The following TTN variants were observed in gnomAD, a reference collection of about 807,000 sequenced individuals.
The protein encoded by TTN is titin.
Under a neutral mutation model 3,223.0 loss-of-function variants are expected in TTN, and 1,525 were observed. The ratio of observed to expected loss-of-function variants is 0.47; its 90% CI spans 0.45 to 0.49. The LOEUF is 0.49. Ranked by LOEUF, TTN falls within the 20% of genes least tolerant of loss-of-function variation. The probability of loss-of-function intolerance (pLI) is 0.00; values close to 1 mark genes in which losing one functional copy is unlikely to be tolerated. For missense variants in TTN, 40,786 were observed against 43,424.0 expected (o/e 0.94, Z 5.40); for synonymous variants, 14,094 against 15,161.0 (o/e 0.93, Z 5.17).
Position 178,569,908 on chromosome 2 carries a change from G to T in TTN, c.76224C>A (p.Pro25408=). 6.2e-7 allele frequency: 1 copy of T among 1,613,270 alleles called. No individual in the cohort carries two copies. The highest frequency in any genetic ancestry group is 8.5e-7 in the Non-Finnish European group (1 of 1,179,572). ...KACDPIYKPG[P]PNNPKVIDIT... ...TGTCTATGACTTTGGGGTTGTTTGG[G>T]GGTCCTGGTTTATAAATAGGATCAC... Residue 25408 remains proline (P), a synonymous_variant, in exon 326 of 363, where the codon CCC becomes CCA. Transcript: ENST00000589042.
In TTN at chr2:178,591,025, G is replaced by A; in HGVS notation, c.60700C>T (p.Pro20234Ser). ...TATTCACAGCCCTTCTGCAGATGTG[G>A]GATTTTCAGCTTTGTCTTACTGCTT... Reference protein sequence around the residue: ...SGSSKTKLKIPHLQKGCEYVF... With the variant: ...SGSSKTKLKISHLQKGCEYVF... The change falls in exon 304 of 363, where the codon CCA becomes TCA. Residue 20234 changes from proline (P) to serine (S), a missense_variant. Coordinates refer to ENST00000589042, the MANE Select transcript of TTN (RefSeq NM_001267550.2). 6.2e-7 allele frequency: 1 copy of A among 1,613,358 alleles called. No homozygotes were observed. The highest frequency in any genetic ancestry group is 8.5e-7 in the Non-Finnish European group (1 of 1,179,572).
rs746635297 is a variant in TTN at position 178,707,509 on chromosome 2, T to A, written c.29041+17A>T. 135 of 1,602,646 alleles carry A rather than the reference T, an allele frequency of 8.4e-5. 1 individual carries two copies. In the Middle Eastern group the frequency reaches 9.9e-4, roughly 12 times the overall value. On this transcript the variant is annotated intron_variant, in intron 100 of 362. Transcript: ENST00000589042. ...GTTGCTGGCTTGAGCTGCATAATAC[T>A]TTTGAGGTGTCTGTACCTTTAATGG...
At position 178,672,651 on chromosome 2, in the gene TTN, C is replaced by T; in HGVS notation, c.34839G>A (p.Glu11613=). 6.2e-7 allele frequency: 1 copy of T among 1,610,796 alleles called. No homozygotes were observed. The highest frequency in any genetic ancestry group is 8.5e-7 in the Non-Finnish European group (1 of 1,178,108). Residue 11613 remains glutamate, a synonymous_variant, in exon 153 of 363, where the codon GAG becomes GAA. Coordinates refer to ENST00000589042, the MANE Select transcript of TTN (RefSeq NM_001267550.2). ...AAGATGTACCTTTGGCTGGGGGTGC[C>T]TCTTTTTTCTGAACAGGAACAGGTA... ...EKVPVPVQKK[E]APPAKVPEVP... is the part of the protein sequence containing the mutation.
At position 178,535,025 on chromosome 2, in the gene TTN, T is replaced by C; in HGVS notation, c.101590A>G (p.Ile33864Val). ...TGCCTAGCAATATTCAGAATGGAAA[T>C]TTCCTTCTTTACCAAAACCTGATCA... ...GTDQVLVKKE[I>V]SILNIARHRN... is the part of the protein sequence containing the mutation. The change falls in exon 358 of 363, where the codon ATT becomes GTT. Residue 33864 changes from isoleucine (I) to valine (V), a missense_variant. By Grantham distance (29) the Ile-to-Val change is conservative (BLOSUM62 3). Coordinates refer to ENST00000589042, the MANE Select transcript of TTN (RefSeq NM_001267550.2). The C allele has an allele frequency of 1.9e-6, 3 of 1,613,846 alleles. No homozygotes were observed. Among genetic ancestry groups the C allele is most frequent in the Non-Finnish European group, 2.5e-6 (3 of 1,179,848 alleles).
chr2:178,606,506 G>A (rs138832112), intron 278 of TTN, among the ~76,000 whole-genome samples: 17 of 151,942 alleles, frequency 1.1e-4, no homozygotes, highest in South Asian at 4.2e-4. Context: ...TTAGTGTTTC[G>A]TATTGATTTC....
In TTN at chr2:178,581,666, T is replaced by C; in HGVS notation, c.66602A>G (p.Asp22201Gly). The C allele has an allele frequency of 6.2e-7, 1 of 1,612,776 alleles. No homozygotes were observed. The highest frequency in any genetic ancestry group is 8.5e-7 in the Non-Finnish European group (1 of 1,179,276). Residue 22201 changes from aspartate (D) to glycine (G), a missense_variant, in exon 316 of 363, where the codon GAT (aspartate) becomes GGT (glycine). Transcript: ENST00000589042. ...TGGTAAGTTGCACCTCACCCAGTTA[T>C]CGGAGTCAGCCCGTTTTACTTCAAC... ...YLVEVKRADS[D>G]NWVRCNLPQN...
chr2:178,592,332 A>G, intron 301 of TTN, 47 bp downstream of exon 301: 2 of 1,597,808 alleles, frequency 1.3e-6, no homozygotes, highest in Non-Finnish European at 1.7e-6. Flanking sequence ...TAAGAGCTCA[A>G]AATTATCAAA....
In TTN at chr2:178,773,718, G is replaced by A. The variant is rs375160102; in HGVS notation, c.7338C>T (p.Asp2446=). The A allele has an allele frequency of 2.7e-5, 44 of 1,613,852 alleles. 1 individual carries two copies. The highest frequency in any genetic ancestry group is 2.4e-4 in the South Asian group (22 of 91,082). ...TSGRVSVYSV[D]VITPLKDVNV... is the part of the protein sequence containing the mutation. Reference sequence around the variant, plus strand: ...TAACATCTTTTAGAGGTGTTATCACGTCCACACCTGCAAAATCATACACAC... The same window carrying A: ...TAACATCTTTTAGAGGTGTTATCACATCCACACCTGCAAAATCATACACAC... Residue 2446 remains aspartate (D), a synonymous_variant, in exon 32 of 363, where the codon GAC becomes GAT. Coordinates refer to ENST00000589042, the MANE Select transcript of TTN (RefSeq NM_001267550.2).
chr2:178,572,306 T>A lies in TTN; in HGVS notation c.73826A>T (p.Glu24609Val). The change falls in exon 326 of 363, where the codon GAA becomes GTA. Residue 24609 changes from glutamate (E) to valine (V), a missense_variant. Physicochemically the swap from Glu to Val is moderately radical, Grantham distance 121. Coordinates refer to ENST00000589042, the MANE Select transcript of TTN (RefSeq NM_001267550.2). ...YGIGLPAETA[E>V]SVKASERPLP... ...AGGTCGTTCTGATGCTTTCACAGAT[T>A]CTGCGGTTTCAGCAGGCAGCCCAAT... The A allele has an allele frequency of 6.2e-7, 1 of 1,611,708 alleles. No individual in the cohort carries two copies. Among genetic ancestry groups the A allele is most frequent in the Non-Finnish European group, 8.5e-7 (1 of 1,178,094 alleles).
At position 178,732,498 on chromosome 2, in the gene TTN, T is replaced by C. The variant is rs886055297; in HGVS notation, c.16563A>G (p.Thr5521=). The change falls in exon 56 of 363, where the codon ACA becomes ACG. Residue 5521 remains threonine (T), a synonymous_variant. Transcript: ENST00000589042. ...LVKTSDSGTY[T]CKVSNVAGGV... ...CTCCAGCGACATTGCTGACTTTACATGTGTACGTGCCCGAATCAGAGGTTT... is the reference window on the plus strand; with the variant it reads ...CTCCAGCGACATTGCTGACTTTACACGTGTACGTGCCCGAATCAGAGGTTT... The C allele has an allele frequency of 9.3e-6, 15 of 1,613,562 alleles. No homozygotes were observed. Among genetic ancestry groups the C allele is most frequent in the Non-Finnish European group, 1.2e-5 (14 of 1,179,716 alleles).
chr2:178,578,381 G>T (rs978125736), intron 321 of TTN, among the ~76,000 whole-genome samples, 196 bp from the exon 322 acceptor site: 1 of 151,044 alleles, frequency 6.6e-6, no homozygotes, highest in African/African-American at 2.4e-5. Flanking sequence ...GTCTTTTTTG[G>T]TGAACAATTT....
chr2:178,624,887 T>C (rs2058801198), intron 241 of TTN, among the ~76,000 whole-genome samples, 156 bp from the exon 242 acceptor site: 1 of 152,010 alleles, frequency 6.6e-6, no homozygotes, highest in Admixed American at 6.6e-5. Flanking sequence ...CTAAAAATGA[T>C]ATTTTATCAT....
chr2:178,763,561 C>T (rs533724848), intron 43 of TTN, among the ~76,000 whole-genome samples: 7 of 152,290 alleles, frequency 4.6e-5, no homozygotes, highest in Middle Eastern at 6.8e-3. Flanking sequence ...GGCACTAAAA[C>T]GGAATTCCTA....
intron 311 of TTN, 27 bp downstream of exon 311, chr2:178,584,249 C>T: frequency 6.5e-7 from 1 of 1,528,062 alleles, no homozygotes. Flanking sequence ...AAAACAACAA[C>T]AACAATAAAA....
At position 178,532,291 on chromosome 2, in the gene TTN, C is replaced by G; in HGVS notation, c.104324G>C (p.Arg34775Pro). 1 of 1,613,918 alleles carries G rather than the reference C, an allele frequency of 6.2e-7. No homozygotes were observed. ...MAEREDEELLRPVTTTQHLSE... is the reference protein window; with the variant it reads ...MAEREDEELLPPVTTTQHLSE... ...GAGATGCTGGGTGGTCGTAACTGGG[C>G]GAAGCAACTCTTCATCCTCCCTCTC... Residue 34775 changes from arginine (R) to proline (P), a missense_variant, in exon 358 of 363, where the codon CGC (arginine) becomes CCC (proline). Coordinates refer to ENST00000589042, the MANE Select transcript of TTN (RefSeq NM_001267550.2).
chr2:178,689,298 G>T lies in TTN; in HGVS notation c.32003C>A (p.Pro10668Gln). 1 of 1,611,644 alleles carries T rather than the reference G, an allele frequency of 6.2e-7. No homozygotes were observed. Among genetic ancestry groups the T allele is most frequent in the Non-Finnish European group, 8.5e-7 (1 of 1,179,360 alleles). ...AGATGGAGAAACAATACCTTTTGGTGGTGGTGGAACTTCTTCCTCCTTCCG... is the reference window on the plus strand; with the variant it reads ...AGATGGAGAAACAATACCTTTTGGTTGTGGTGGAACTTCTTCCTCCTTCCG... ...VPRKEEEVPP[P>Q]PKVPALPKKP... Residue 10668 changes from proline to glutamine, a missense_variant, in exon 124 of 363, where the codon CCA becomes CAA. Pro to Gln is a moderately conservative substitution (Grantham distance 76). Transcript: ENST00000589042.
intron 127 of TTN, among the ~76,000 whole-genome samples, chr2:178,686,988 T>C (rs1255359003): frequency 6.6e-6 from 1 of 152,334 alleles, no homozygotes; most frequent in South Asian, 2.1e-4. Context: ...TCATGGCCTC[T>C]TCCAGGAAGC....
chr2:178,579,954 C>T lies in TTN; in HGVS notation c.67333G>A (p.Ala22445Thr). Residue 22445 changes from alanine (A) to threonine (T), a missense_variant, in exon 318 of 363, where the codon GCT becomes ACT. By Grantham distance (58) the Ala-to-Thr change is moderately conservative. Coordinates refer to ENST00000589042, the MANE Select transcript of TTN (RefSeq NM_001267550.2). ...ATTTGCTTACGGGAAGCTTTGACAGCATCACGAGTTTCACCGGGATCACCA... is the reference window on the plus strand; with the variant it reads ...ATTTGCTTACGGGAAGCTTTGACAGTATCACGAGTTTCACCGGGATCACCA... ...GIGDPGETRD[A>T]VKASQTPGPV... is the part of the protein sequence containing the mutation. The T allele has an allele frequency of 6.2e-7, 1 of 1,613,144 alleles. No individual in the cohort carries two copies. The highest frequency in any genetic ancestry group is 8.5e-7 in the Non-Finnish European group (1 of 1,179,472).
At position 178,624,460 on chromosome 2, in the gene TTN, C is replaced by T. The variant is rs779854364; in HGVS notation, c.44815+5G>A. On this transcript the variant is annotated splice_donor_5th_base_variant and intron_variant, in intron 242 of 362. Transcript: ENST00000589042. Reference sequence around the variant, plus strand: ...TGAAAAGTCCTTTGTAAGAAGAATACTTACGCACGACATTCAGGTTACAGG... The same window carrying T: ...TGAAAAGTCCTTTGTAAGAAGAATATTTACGCACGACATTCAGGTTACAGG... 6.2e-7 allele frequency: 1 copy of T among 1,611,964 alleles called. No individual in the cohort carries two copies. The highest frequency in any genetic ancestry group is 8.5e-7 in the Non-Finnish European group (1 of 1,178,810).
Sources: gnomAD v4.1 joint callset for allele counts (sites outside exome capture counted in the v4.1 genomes callset) on GRCh38, gnomAD v4.1.1 for gene constraint, MANE v1.5 for transcripts, NCBI Gene and HGNC (gene_info 2026-07-23, HGNC 2026-07-21) for gene names.